The following FBN2 variants were observed in gnomAD, a reference collection of about 807,000 sequenced individuals.
The protein encoded by FBN2 is fibrillin 2.
Under a neutral mutation model 355.6 loss-of-function variants are expected in FBN2, and 105 were observed. That is an observed-to-expected ratio of 0.30 (90% CI 0.25 to 0.35). The LOEUF (loss-of-function observed/expected upper bound fraction) is 0.35, where lower values mean the gene tolerates loss of function less well. Among genes scored for constraint, FBN2 ranks in the 10% least tolerant of loss-of-function variants. The pLI is 1.00. For missense variants in FBN2, 3,280 were observed against 3,758.7 expected (o/e 0.87, Z 3.33); for synonymous variants, 1,350 against 1,301.2 (o/e 1.04, Z -0.81).
chr5:128,335,488 A>T lies in FBN2; in HGVS notation c.3814T>A (p.Tyr1272Asn), dbSNP rs547557856. The T allele has an allele frequency of 1.2e-6, 2 of 1,614,224 alleles. No individual in the cohort carries two copies. Among genetic ancestry groups the T allele is most frequent in the South Asian group, 2.2e-5 (2 of 91,090 alleles). ...GATCTCCCATCTGGCATCAGGGCAT[A>T]ACCCTCACTGCAGCTGCATTCGTAG... is the stretch of plus-strand genomic sequence containing the variant. The part of the protein sequence containing the change: ...GSYECSCSEG[Y>N]ALMPDGRSCA... The change falls in exon 29 of 65, where the codon TAT becomes AAT. Residue 1272 changes from tyrosine (Y) to asparagine (N), a missense_variant. Physicochemically the swap from Tyr to Asn is moderately radical, Grantham distance 143. Transcript: ENST00000262464.
At chr5:128,526,602 G>A (rs763311645) in intron 4 of FBN2, among the ~76,000 whole-genome samples, 5 of 152,068 alleles carry the variant, frequency 3.3e-5, no homozygotes, top group Admixed American at 1.3e-4. Context: ...AACCTTGAGG[G>A]CACTATGCTA....
intron 62 of FBN2, among the ~76,000 whole-genome samples, chr5:128,269,140 C>A (rs148222304): frequency 6.6e-6 from 1 of 151,878 alleles, no homozygotes; most frequent in African/African-American, 2.4e-5. Flanking sequence ...TCTGACCAGG[C>A]GCAGTGGCTC....
At chr5:128,312,894 C>A in intron 36 of FBN2, 99 bp from the exon 37 acceptor site, 1 of 1,308,948 alleles carries the variant, frequency 7.6e-7, no homozygotes, top group Non-Finnish European at 1.1e-6. Context: ...AAATTTTGTA[C>A]GTTAACATGA....
chr5:128,424,411 C>T (rs1167853069), intron 7 of FBN2, among the ~76,000 whole-genome samples: 1 of 151,842 alleles, frequency 6.6e-6, no homozygotes, highest in Non-Finnish European at 1.5e-5. Context: ...GAAGGAAAAG[C>T]GAGGGCAGTT....
Position 128,505,161 on chromosome 5 carries a change from T to C in FBN2, c.628+14112A>G, listed in dbSNP as rs192914406. ...GTGTCAATTAAACCTCTTTCCTTTATAAATTACCCATTCTTGGTTATGTCT... is the reference window on the plus strand; with the variant it reads ...GTGTCAATTAAACCTCTTTCCTTTACAAATTACCCATTCTTGGTTATGTCT... On this transcript the variant is annotated intron_variant, in intron 5 of 64. Transcript: ENST00000262464. 7.2e-5 allele frequency among the ~76,000 whole-genome samples: 11 copies of C among 152,338 alleles called. No homozygotes were observed. In the East Asian group the frequency reaches 2.1e-3, roughly 29 times the overall value.
intron 24 of FBN2, among the ~76,000 whole-genome samples, 191 bp from the exon 25 acceptor site, chr5:128,344,701 T>C (rs962683078): frequency 3.0e-5 from 4 of 135,090 alleles, no homozygotes; most frequent in African/African-American, 1.1e-4. Context: ...TCTTATATTC[T>C]TTTTTTTTTT....
intron 1 of FBN2, 52 bp downstream of exon 1, chr5:128,537,298 T>TC (rs1006241543): frequency 1.1e-5 from 18 of 1,601,836 alleles, no homozygotes; most frequent in African/African-American, 8.0e-5. Flanking sequence ...AACTGAGGAT[T>TC]CCCCCCTCCC....
intron 48 of FBN2, among the ~76,000 whole-genome samples, chr5:128,300,070 A>G (rs908388812): frequency 5.3e-5 from 8 of 152,250 alleles, no homozygotes; most frequent in Non-Finnish European, 1.2e-4. Flanking sequence ...AAATATGAAC[A>G]GTAGAATGAC....
In FBN2 at chr5:128,305,877, G is replaced by A. The variant is rs778519094; in HGVS notation, c.5494C>T (p.Arg1832Cys). ...GVCINQIGSFRCECPTGFSYN... is the reference protein window; with the variant it reads ...GVCINQIGSFCCECPTGFSYN... ...CTGAATCCTGTAGGGCATTCACAGC[G>A]GAAACTGCCAATCTGGTTAATGCAC... Residue 1832 changes from arginine to cysteine, a missense_variant, in exon 43 of 65, where the codon CGC becomes TGC. Physicochemically the swap from Arg to Cys is radical, Grantham distance 180. Coordinates refer to ENST00000262464, the MANE Select transcript of FBN2 (RefSeq NM_001999.4). 6.8e-6 allele frequency: 11 copies of A among 1,613,696 alleles called. No individual in the cohort carries two copies. Among genetic ancestry groups the A allele is most frequent in the African/African-American group, 5.3e-5 (4 of 74,878 alleles).
intron 46 of FBN2, among the ~76,000 whole-genome samples, chr5:128,302,242 C>T (rs778722369): frequency 1.3e-5 from 2 of 152,184 alleles, no homozygotes; most frequent in Non-Finnish European, 2.9e-5. Context: ...AGTTCTTTCA[C>T]ATACCTTGCA....
chr5:128,501,262 GA>G (rs1755801297), intron 5 of FBN2, among the ~76,000 whole-genome samples: 1 of 152,186 alleles, frequency 6.6e-6, no homozygotes, highest in Non-Finnish European at 1.5e-5. Context: ...AGAATAACCT[GA>G]GAAAGTACAG....
chr5:128,434,042 T>C (rs1228277934), intron 7 of FBN2, among the ~76,000 whole-genome samples: 2 of 152,074 alleles, frequency 1.3e-5, no homozygotes, highest in African/African-American at 4.8e-5. Flanking sequence ...AAACAACTAC[T>C]GGCACATGGA....
rs1754066618 is a variant in FBN2, at chr5:128,446,481, C to A, written c.952G>T (p.Asp318Tyr). The stretch of plus-strand genomic sequence containing the variant: ...TGCTTCCCAAAGTAGAGAGACTCAC[C>A]TTCACATTTCTGAGTAGTTTCACTC... ...KQSETTQKCE[D>Y]IDECSIIPGI... The change falls in exon 7 of 65, where the codon GAC becomes TAC. Residue 318 changes from aspartate to tyrosine, a missense_variant and splice_region_variant. This residue lies in a region of FBN2 where 343 missense variants were observed against 331.0 expected (regional missense o/e 1.04). Transcript: ENST00000262464. The A allele has an allele frequency of 6.2e-7, 1 of 1,613,700 alleles. No individual in the cohort carries two copies. The highest frequency in any genetic ancestry group is 8.5e-7 in the Non-Finnish European group (1 of 1,179,754).
chr5:128,335,931 G>C, intron 28 of FBN2, 57 bp downstream of exon 28: 1 of 1,597,448 alleles, frequency 6.3e-7, no homozygotes, highest in Non-Finnish European at 8.6e-7. Flanking sequence ...AGCGCCAAAA[G>C]TTTTCCTAGG....
chr5:128,442,408 G>T (rs1160581897), intron 7 of FBN2: 1 of 455,196 alleles, frequency 2.2e-6, no homozygotes, highest in South Asian at 1.6e-5. Flanking sequence ...TTGTACAAAA[G>T]AAAAACGCTG....
At chr5:128,460,976 T>C (rs1158401044) in intron 6 of FBN2, among the ~76,000 whole-genome samples, 1 of 152,086 alleles carries the variant, frequency 6.6e-6, no homozygotes, top group African/African-American at 2.4e-5. Context: ...CCAAAAGCAA[T>C]TGCAACAAAA....
chr5:128,288,320 A>G lies in FBN2; in HGVS notation c.6757+118T>C, dbSNP rs1581189891. The stretch of plus-strand genomic sequence containing the variant: ...AACCAAACAAAAAACCCAAAAAACA[A>G]AAAACCCCACCGTATGCTCACCAGC... On this transcript the variant is annotated intron_variant, in intron 53 of 64. Transcript: ENST00000262464. 19 of 1,244,028 alleles carry G rather than the reference A, an allele frequency of 1.5e-5. No individual in the cohort carries two copies. In the East Asian group the frequency reaches 4.7e-4, roughly 31 times the overall value. 77.1% of individuals were successfully genotyped at this position (1,244,028 alleles called of 1,614,324 possible).
In FBN2 at chr5:128,374,655, C is replaced by G; in HGVS notation, c.2068G>C (p.Val690Leu). 1 of 1,613,986 alleles carries G rather than the reference C, an allele frequency of 6.2e-7. No homozygotes were observed. Among genetic ancestry groups the G allele is most frequent in the Non-Finnish European group, 8.5e-7 (1 of 1,179,920 alleles). ...FRCDCPPGLA[V>L]GMDGRVCVDT... ...ACACACACACGTCCATCCATGCCCA[C>G]AGCCAGGCCTGGGGGACAGTCACAG... Residue 690 changes from valine to leucine, a missense_variant, in exon 15 of 65, where the codon GTG (valine) becomes CTG (leucine). Coordinates refer to ENST00000262464, the MANE Select transcript of FBN2 (RefSeq NM_001999.4).
rs1274629800 is a variant in FBN2, at chr5:128,351,078, G to C, written c.2675-73C>G. 2.6e-6 allele frequency: 4 copies of C among 1,560,920 alleles called. No individual in the cohort carries two copies. In the South Asian group the frequency reaches 3.3e-5, roughly 13 times the overall value. On this transcript the variant is annotated intron_variant, in intron 20 of 64. Coordinates refer to ENST00000262464, the MANE Select transcript of FBN2 (RefSeq NM_001999.4). ...TAGAATTCAGCTGTGTACACAAAAG[G>C]CATTTGTTACAGTATTCTAAAAAAG...
Sources: allele counts gnomAD v4.1 joint callset (sites outside exome capture counted in the v4.1 genomes callset), GRCh38; gene constraint gnomAD v4.1.1; regional missense constraint gnomAD v4.1.1; transcripts MANE v1.5; gene names NCBI Gene and HGNC (gene_info 2026-07-23, HGNC 2026-07-21).